The following TTN variants were observed in gnomAD, a reference collection of about 807,000 sequenced individuals.
The protein encoded by TTN is titin.
A neutral mutation model predicts 3,223.0 loss-of-function variants in TTN; 1,525 were observed. That is an observed-to-expected ratio of 0.47 (90% confidence interval 0.45 to 0.49). The LOEUF is 0.49. Among genes scored for constraint, TTN ranks in the 20% least tolerant of loss-of-function variants. TTN has a pLI of 0.00. For synonymous variants in TTN, 14,094 were observed against 15,161.0 expected (o/e 0.93, Z 5.17); for missense variants, 40,786 against 43,424.0 (o/e 0.94, Z 5.40).
Position 178,569,494 on chromosome 2 carries a change from C to A in TTN, c.76638G>T (p.Lys25546Asn). 6.2e-7 allele frequency: 1 copy of A among 1,612,718 alleles called. No individual in the cohort carries two copies. The highest frequency in any genetic ancestry group is 8.5e-7 in the Non-Finnish European group (1 of 1,179,126). The change falls in exon 326 of 363, where the codon AAG becomes AAT. Residue 25546 changes from lysine (K) to asparagine (N), a missense_variant. Physicochemically the swap from Lys to Asn is moderately conservative, Grantham distance 94. Transcript: ENST00000589042. Reference protein sequence around the residue: ...GRPTPEVKWGKVDGEIRDAAI... With the variant: ...GRPTPEVKWGNVDGEIRDAAI... Reference sequence around the variant, plus strand: ...CTGCATCTCGGATTTCACCATCCACCTTTCCCCATTTAACTTCTGGTGTAG... The same window carrying A: ...CTGCATCTCGGATTTCACCATCCACATTTCCCCATTTAACTTCTGGTGTAG...
intron 17 of TTN, 81 bp downstream of exon 17, chr2:178,783,639 G>T (rs1333361795): frequency 4.0e-6 from 5 of 1,248,884 alleles, no homozygotes; most frequent in South Asian, 1.2e-5. Context: ...ATTAATTTGA[G>T]AAACTGATCT....
At chr2:178,614,783 A>G (rs2056998651) in intron 260 of TTN, 30 bp from the exon 261 acceptor site, 4 of 1,600,898 alleles carry the variant, frequency 2.5e-6, no homozygotes, top group Non-Finnish European at 3.4e-6. Context: ...TTATGATGTT[A>G]TCAAGTTCAA....
intron 283 of TTN, 34 bp from the exon 284 acceptor site, chr2:178,602,184 C>G (rs1270918062): frequency 6.3e-7 from 1 of 1,593,522 alleles, no homozygotes; most frequent in East Asian, 2.3e-5. Flanking sequence ...CAGGATTTAG[C>G]TCATATTTGT....
chr2:178,558,929 A>G (rs992071110), intron 326 of TTN: 3 of 423,276 alleles, frequency 7.1e-6, no homozygotes, highest in Non-Finnish European at 1.3e-5. Flanking sequence ...AAGATGAACA[A>G]TCTTTTAAAA....
chr2:178,560,401 A>T lies in TTN; in HGVS notation c.85731T>A (p.Asp28577Glu). Residue 28577 changes from aspartate to glutamate, a missense_variant, in exon 326 of 363, where the codon GAT (aspartate) becomes GAA (glutamate). By Grantham distance (45) the Asp-to-Glu change is conservative. Coordinates refer to ENST00000589042, the MANE Select transcript of TTN (RefSeq NM_001267550.2). ...MTLCWSRPES[D>E]GGSEISGYII... ...TATATCCAGATATTTCACTACCTCCATCACTCTCGGGTCTTGACCAGCAAA... is the reference window on the plus strand; with the variant it reads ...TATATCCAGATATTTCACTACCTCCTTCACTCTCGGGTCTTGACCAGCAAA... The T allele has an allele frequency of 1.2e-6, 2 of 1,613,584 alleles. No homozygotes were observed. The highest frequency in any genetic ancestry group is 2.2e-5 in the South Asian group (2 of 91,068).
At position 178,731,756 on chromosome 2, in the gene TTN, A is replaced by G. The variant is rs533492533; in HGVS notation, c.17119T>C (p.Tyr5707His). The change falls in exon 58 of 363, where the codon TAC becomes CAC. Residue 5707 changes from tyrosine to histidine, a missense_variant. By Grantham distance (83) the Tyr-to-His change is moderately conservative (BLOSUM62 2). Coordinates refer to ENST00000589042, the MANE Select transcript of TTN (RefSeq NM_001267550.2). The stretch of plus-strand genomic sequence containing the variant: ...ACCTCATTGGTCACCCGACACTGGT[A>G]TTCGCCAGCATCTGCAGCTACAAAC... ...LKFVAADAGEYQCRVTNEVGS... is the reference protein window; with the variant it reads ...LKFVAADAGEHQCRVTNEVGS... 5 of 1,613,780 alleles carry G rather than the reference A, an allele frequency of 3.1e-6. No homozygotes were observed. The South Asian group carries it at 5.5e-5, about 18-fold the overall frequency.
intron 46 of TTN, among the ~76,000 whole-genome samples, chr2:178,755,531 G>A (rs781717830): frequency 2.5e-4 from 38 of 152,270 alleles, no homozygotes; most frequent in African/African-American, 8.4e-4. Context: ...TGCCTCCTGG[G>A]TTCAAGCGAT....
chr2:178,616,675 A>C (rs1295755594), intron 256 of TTN, 45 bp from the exon 257 acceptor site: 1 of 1,611,888 alleles, frequency 6.2e-7, no homozygotes. Flanking sequence ...AGTCTGAACT[A>C]ATATTTGTTA....
Position 178,704,393 on chromosome 2 carries a change from G to C in TTN, c.29977C>G (p.Arg9993Gly). The change falls in exon 106 of 363, where the codon CGG becomes GGG. Residue 9993 changes from arginine to glycine, a missense_variant. Arg to Gly is a moderately radical substitution (Grantham distance 125). Coordinates refer to ENST00000589042, the MANE Select transcript of TTN (RefSeq NM_001267550.2). ...TTCAGAGTCACATCCTGAAGATGCC[G>C]TTCCCATGCAGGCTCTGTTCATGTG... ...KLTVIEPAWERHLQDVTLKEG... is the reference protein window; with the variant it reads ...KLTVIEPAWEGHLQDVTLKEG... The C allele has an allele frequency of 6.2e-7, 1 of 1,613,322 alleles. No homozygotes were observed. Among genetic ancestry groups the C allele is most frequent in the African/African-American group, 1.3e-5 (1 of 75,014 alleles).
chr2:178,798,446 G>A (rs540510978), intron 6 of TTN: 3 of 152,124 alleles, frequency 2.0e-5, no homozygotes, highest in Admixed American at 2.0e-4. Context: ...TCCATATTAA[G>A]TAAGCATAGA....
In TTN at chr2:178,618,490, A is replaced by T; in HGVS notation, c.46968T>A (p.Asp15656Glu). 3 of 1,610,976 alleles carry T rather than the reference A, an allele frequency of 1.9e-6. No homozygotes were observed. The highest frequency in any genetic ancestry group is 2.5e-6 in the Non-Finnish European group (3 of 1,178,742). ...CTAAGTTACGTACTGGCCCAGGAAC[A>T]TCTGAAATTCACATATAGAGGAATT... is the stretch of plus-strand genomic sequence containing the variant. ...AEGFINLKVIDVPGPVRNLEV... is the reference protein window; with the variant it reads ...AEGFINLKVIEVPGPVRNLEV... Residue 15656 changes from aspartate to glutamate, a missense_variant and splice_region_variant, in exon 252 of 363, where the codon GAT (aspartate) becomes GAA (glutamate). Asp to Glu is a conservative substitution (Grantham distance 45, BLOSUM62 2). Coordinates refer to ENST00000589042, the MANE Select transcript of TTN (RefSeq NM_001267550.2).
rs747306219 is a variant in TTN at position 178,718,493 on chromosome 2, T to C, written c.24613A>G (p.Ile8205Val). ...TGTGAAATAAGATACTCGTCCTTTA[T>C]CCAGCTCACTGAGATTGGAGGTGTG... The part of the protein sequence containing the change: ...TGTPPISVSW[I>V]KDEYLISQSE... The change falls in exon 85 of 363, where the codon ATA becomes GTA. Residue 8205 changes from isoleucine (I) to valine (V), a missense_variant. By Grantham distance (29) the Ile-to-Val change is conservative. Transcript: ENST00000589042. 3.1e-6 allele frequency: 5 copies of C among 1,613,606 alleles called. No homozygotes were observed. Among genetic ancestry groups the C allele is most frequent in the Non-Finnish European group, 4.2e-6 (5 of 1,179,742 alleles).
In TTN at chr2:178,680,059, T is replaced by C. The variant is rs2068992373; in HGVS notation, c.33419-4A>G. ...AGTTCTTTAGGCACTTCTGGCACTT[T>C]AAAGATATTATCTTTAAGTTGGACA... On this transcript the variant is annotated splice_region_variant and splice_polypyrimidine_tract_variant and intron_variant, in intron 139 of 362. Coordinates refer to ENST00000589042, the MANE Select transcript of TTN (RefSeq NM_001267550.2). 6.2e-7 allele frequency: 1 copy of C among 1,611,404 alleles called. No individual in the cohort carries two copies. Among genetic ancestry groups the C allele is most frequent in the Non-Finnish European group, 8.5e-7 (1 of 1,179,048 alleles).
chr2:178,667,149 G>T, intron 162 of TTN, 87 bp downstream of exon 162: 1 of 1,178,954 alleles, frequency 8.5e-7, no homozygotes, highest in Non-Finnish European at 1.2e-6. Flanking sequence ...ATTAGAGGTT[G>T]TGAGAATGTA....
In TTN at chr2:178,615,729, C is replaced by T; in HGVS notation, c.48372G>A (p.Glu16124=). The change falls in exon 258 of 363, where the codon GAG becomes GAA. Residue 16124 remains glutamate (E), a synonymous_variant. Coordinates refer to ENST00000589042, the MANE Select transcript of TTN (RefSeq NM_001267550.2). ...FTVPDLVQGK[E]YLFKVCARNK... Reference sequence around the variant, plus strand: ...TACGAGCACAAACTTTAAATAAGTACTCTTTTCCTTGAACAAGATCAGGAA... The same window carrying T: ...TACGAGCACAAACTTTAAATAAGTATTCTTTTCCTTGAACAAGATCAGGAA... 1 of 1,612,270 alleles carries T rather than the reference C, an allele frequency of 6.2e-7. No individual in the cohort carries two copies. Among genetic ancestry groups the T allele is most frequent in the Non-Finnish European group, 8.5e-7 (1 of 1,178,856 alleles).
At chr2:178,594,684 T>C in intron 295 of TTN, 38 bp from the exon 296 acceptor site, 1 of 1,507,814 alleles carries the variant, frequency 6.6e-7, no homozygotes, top group Non-Finnish European at 8.9e-7. Flanking sequence ...TAGAAAAAAA[T>C]GTCACATTAA....
rs2081151606 is a variant in TTN, at chr2:178,734,773, T to A, written c.15151A>T (p.Ser5051Cys). Residue 5051 changes from serine to cysteine, a missense_variant, in exon 51 of 363, where the codon AGT (serine) becomes TGT (cysteine). Coordinates refer to ENST00000589042, the MANE Select transcript of TTN (RefSeq NM_001267550.2). The stretch of plus-strand genomic sequence containing the variant: ...TCATTCACTGCTTCACATGAGTAAC[T>A]CCCACTGTCTTCAACTTTTACATCC... ...ITDVKVEDSG[S>C]YSCEAVNDVG... 1 of 1,613,834 alleles carries A rather than the reference T, an allele frequency of 6.2e-7. No homozygotes were observed. Among genetic ancestry groups the A allele is most frequent in the African/African-American group, 1.3e-5 (1 of 75,040 alleles).
At chr2:178,711,437 C>G in intron 96 of TTN, 88 bp from the exon 97 acceptor site, 2 of 1,279,744 alleles carry the variant, frequency 1.6e-6, no homozygotes, top group Non-Finnish European at 2.1e-6. Flanking sequence ...CGTATATATG[C>G]AATTTCTATT....
Position 178,542,874 on chromosome 2 carries a change from A to G in TTN, c.96980T>C (p.Val32327Ala). 2 of 1,613,828 alleles carry G rather than the reference A, an allele frequency of 1.2e-6. No homozygotes were observed. The highest frequency in any genetic ancestry group is 2.2e-5 in the South Asian group (2 of 91,078). Residue 32327 changes from valine to alanine, a missense_variant, in exon 348 of 363, where the codon GTG (valine) becomes GCG (alanine). Val to Ala is a moderately conservative substitution (Grantham distance 64). Coordinates refer to ENST00000589042, the MANE Select transcript of TTN (RefSeq NM_001267550.2). ...AGGTGGACGGCCAGCAATAGGTATCACCAGCTCTACTGGTCTGCCAGCTGG... is the reference window on the plus strand; with the variant it reads ...AGGTGGACGGCCAGCAATAGGTATCGCCAGCTCTACTGGTCTGCCAGCTGG... ...HVPAGRPVELVIPIAGRPPPA... is the reference protein window; with the variant it reads ...HVPAGRPVELAIPIAGRPPPA...
Sources: gnomAD v4.1 joint callset for allele counts (sites outside exome capture counted in the v4.1 genomes callset) on GRCh38, gnomAD v4.1.1 for gene constraint, MANE v1.5 for transcripts, NCBI Gene and HGNC (gene_info 2026-07-23, HGNC 2026-07-21) for gene names.